The following FKBP5 variants were observed in gnomAD, a reference collection of about 807,000 sequenced individuals.
FKBP5 encodes FKBP prolyl isomerase 5, also known as peptidyl-prolyl cis-trans isomerase FKBP5.
In FKBP5, 23 loss-of-function variants were observed where a neutral mutation model predicts 50.5. The ratio of observed to expected loss-of-function variants is 0.46; its 90% CI spans 0.33 to 0.65. FKBP5 has a LOEUF of 0.65. Ranked by LOEUF, FKBP5 falls within the 30% of genes least tolerant of loss-of-function variation. The pLI is 0.02. For synonymous variants in FKBP5, 176 were observed against 190.6 expected (o/e 0.92, Z 0.63); for missense variants, 411 against 553.1 (o/e 0.74, Z 2.58).
At chr6:35,579,148 ACG>A (rs963708839) in intron 9 of FKBP5, among the ~76,000 whole-genome samples, 7 of 148,768 alleles carry the variant, frequency 4.7e-5, no homozygotes, top group African/African-American at 1.8e-4. Flanking sequence ...AAACACACAC[ACG>A]CGCGCGCGCA....
intron 5 of FKBP5, among the ~76,000 whole-genome samples, chr6:35,606,195 TAAAC>T (rs113335524): frequency 5.3e-4 from 80 of 151,984 alleles, no homozygotes; most frequent in African/African-American, 1.9e-3. Flanking sequence ...GAAAAGAACT[TAAAC>T]AAATCAACAA....
intron 1 of FKBP5, among the ~76,000 whole-genome samples, chr6:35,655,295 G>C (rs1343487012): frequency 6.6e-6 from 1 of 152,170 alleles, no homozygotes; most frequent in Non-Finnish European, 1.5e-5. Context: ...TGGAGATACA[G>C]CATTAAACAA....
At position 35,702,206 on chromosome 6, in the gene FKBP5, A is replaced by G. The variant is rs4713916; in HGVS notation, c.-20+18122T>C. 0.77 allele frequency among the ~76,000 whole-genome samples: 116,470 copies of G among 151,870 alleles called. 45,188 individuals carry two copies. Among genetic ancestry groups the G allele is most frequent in the African/African-American group, 0.9 (37,157 of 41,438 alleles). On this transcript the variant is annotated intron_variant, in intron 2 of 11. Coordinates refer to the FKBP5 transcript ENST00000536438. ...TCTCTGGACTCCTACATTTTCCTCT[A>G]TCTTGGTCCAATAACTCCTCACTAT... is the stretch of plus-strand genomic sequence containing the variant.
rs375173712 is a variant in FKBP5 at position 35,719,423 on chromosome 6, A to C, written c.-20+905T>G. Among the ~76,000 whole-genome samples, 10 of 152,354 alleles carry C rather than the reference A, an allele frequency of 6.6e-5. No individual in the cohort carries two copies. The East Asian group carries it at 1.3e-3, about 21-fold the overall frequency. On this transcript the variant is annotated intron_variant, in intron 2 of 11. Transcript: ENST00000536438. ...TGGGCAGATATATTTGTCAAAATTCATCAGGCTGTACACTTAAGATCTGTG... is the reference window on the plus strand; with the variant it reads ...TGGGCAGATATATTTGTCAAAATTCCTCAGGCTGTACACTTAAGATCTGTG...
intron 6 of FKBP5, among the ~76,000 whole-genome samples, chr6:35,593,548 G>T (rs192151056): frequency 6.6e-6 from 1 of 152,104 alleles, no homozygotes; most frequent in Non-Finnish European, 1.5e-5. Context: ...GCTCTTGGTA[G>T]TCTGTTTTTT....
At chr6:35,609,679 A>G (rs528659673) in intron 5 of FKBP5, among the ~76,000 whole-genome samples, 10 of 151,824 alleles carry the variant, frequency 6.6e-5, no homozygotes, top group African/African-American at 1.9e-4. Flanking sequence ...TTCACTTTTC[A>G]TCCCTCTTTT....
At chr6:35,637,617 C>T (rs1326379808) in intron 2 of FKBP5, among the ~76,000 whole-genome samples, 1 of 152,096 alleles carries the variant, frequency 6.6e-6, no homozygotes, top group Non-Finnish European at 1.5e-5. Context: ...GCGTGCGCCT[C>T]CGTGCTCAGC....
intron 1 of FKBP5, among the ~76,000 whole-genome samples, chr6:35,652,840 T>G (rs899580235): frequency 7.2e-5 from 11 of 152,138 alleles, no homozygotes; most frequent in Non-Finnish European, 1.5e-4. Flanking sequence ...AACTTGCTGG[T>G]TTTTGTGGCT....
At chr6:35,701,974 A>G (rs1766197333) in intron 2 of FKBP5, among the ~76,000 whole-genome samples, 1 of 152,032 alleles carries the variant, frequency 6.6e-6, no homozygotes, top group South Asian at 2.1e-4. Context: ...CAGCCTCCCA[A>G]GTAGCTGGGA....
chr6:35,654,085 G>A (rs1764885001), intron 1 of FKBP5, among the ~76,000 whole-genome samples: 1 of 152,060 alleles, frequency 6.6e-6, no homozygotes, highest in African/African-American at 2.4e-5. Flanking sequence ...ATGTGCATAT[G>A]GTCAATTGAC....
At chr6:35,710,440 CT>C (rs755964648) in intron 2 of FKBP5, among the ~76,000 whole-genome samples, 38 of 151,756 alleles carry the variant, frequency 2.5e-4, no homozygotes, top group Non-Finnish European at 4.7e-4. Context: ...ACACTCCAAC[CT>C]GCGCTACAGA....
At chr6:35,723,789 A>C (rs1350079056) in intron 1 of FKBP5, among the ~76,000 whole-genome samples, 1 of 152,250 alleles carries the variant, frequency 6.6e-6, no homozygotes, top group Non-Finnish European at 1.5e-5. Context: ...TAAGGCTGGC[A>C]CGGGCAGTGT....
intron 2 of FKBP5, among the ~76,000 whole-genome samples, chr6:35,697,269 C>T (rs1258200632): frequency 2.0e-5 from 3 of 152,108 alleles, no homozygotes; most frequent in Non-Finnish European, 2.9e-5. Context: ...GAAGTAAGGC[C>T]GGGAGCAGTG....
chr6:35,617,114 G>T (rs369826621), intron 5 of FKBP5, among the ~76,000 whole-genome samples: 2 of 151,992 alleles, frequency 1.3e-5, no homozygotes, highest in African/African-American at 4.8e-5. Flanking sequence ...TATTTCCCTG[G>T]TATTCTACAT....
At chr6:35,687,955 C>T (rs1287634156) in intron 1 of FKBP5, among the ~76,000 whole-genome samples, 2 of 152,246 alleles carry the variant, frequency 1.3e-5, no homozygotes, top group Non-Finnish European at 2.9e-5. Context: ...TGGTTTTTGA[C>T]TCTTATACTG....
intron 9 of FKBP5, among the ~76,000 whole-genome samples, chr6:35,579,167 C>T (rs1179144734): frequency 8.2e-6 from 1 of 121,880 alleles, no homozygotes; most frequent in Admixed American, 7.6e-5. Flanking sequence ...CGCACACACT[C>T]TCTCTCTCTC....
intron 1 of FKBP5, chr6:35,728,502 T>C (rs2817033): frequency 0.56 from 85,184 of 152,230 alleles, 24,258 homozygotes; most frequent in African/African-American, 0.67. Context: ...TTTCCCCAAA[T>C]CTCACCCCTC....
intron 1 of FKBP5, among the ~76,000 whole-genome samples, chr6:35,726,947 C>T (rs932023941): frequency 4.6e-5 from 7 of 152,254 alleles, no homozygotes; most frequent in South Asian, 4.1e-4. Context: ...GTAAACAGAT[C>T]GCTAGAATAT....
At chr6:35,711,926 G>T (rs911975351) in intron 2 of FKBP5, among the ~76,000 whole-genome samples, 2 of 151,542 alleles carry the variant, frequency 1.3e-5, no homozygotes, top group Non-Finnish European at 2.9e-5. Context: ...GCCCAGGCTA[G>T]AGTGCAGTGG....
Sources: allele counts gnomAD v4.1 joint callset (sites outside exome capture counted in the v4.1 genomes callset), GRCh38; gene constraint gnomAD v4.1.1; transcripts MANE v1.5; gene names NCBI Gene and HGNC (gene_info 2026-07-23, HGNC 2026-07-21).